The following ZNF398 variants were observed in gnomAD, a reference collection of about 807,000 sequenced individuals.
The protein encoded by ZNF398 is zinc finger protein 398, also known as zinc finger DNA binding protein ZER6.
Under a neutral mutation model 41.9 loss-of-function variants are expected in ZNF398, and 18 were observed. The ratio of observed to expected loss-of-function variants is 0.43; its 90% CI spans 0.30 to 0.64. The LOEUF is 0.64. ZNF398 is among the 30% of genes least tolerant of loss of function. The pLI, the probability that ZNF398 is intolerant of heterozygous loss-of-function variation, is 0.14. For missense variants in ZNF398, 669 were observed against 822.8 expected, an observed-to-expected ratio of 0.81 and a Z score of 2.29; for synonymous variants, 260 against 308.8, an observed-to-expected ratio of 0.84 and a Z score of 1.66.
At position 149,166,150 on chromosome 7, in the gene ZNF398, A is replaced by C; in HGVS notation, c.421-8A>C. 6.2e-7 allele frequency: 1 copy of C among 1,613,058 alleles called. No individual in the cohort carries two copies. Reference sequence around the variant, plus strand: ...GGAAGGGACTAACCCATGTGATTGTAATTTTAGGTGCCTGTGGCATTTGAT... The same window carrying C: ...GGAAGGGACTAACCCATGTGATTGTCATTTTAGGTGCCTGTGGCATTTGAT... On this transcript the variant is annotated splice_polypyrimidine_tract_variant and splice_region_variant and intron_variant, in intron 2 of 5. Coordinates refer to ENST00000475153, the MANE Select transcript of ZNF398 (RefSeq NM_170686.3).
chr7:149,153,747 A>G (rs1195692872), intron 1 of ZNF398, among the ~76,000 whole-genome samples, 198 bp from the exon 2 acceptor site: 2 of 152,190 alleles, frequency 1.3e-5, no homozygotes, highest in African/African-American at 4.8e-5. Flanking sequence ...TACCCAATCT[A>G]TCCCAGAACC....
At chr7:149,128,797 T>TA (rs1826538689) in intron 1 of ZNF398, 4 of 26,892 alleles carry the variant, frequency 1.5e-4, no homozygotes, top group Admixed American at 3.9e-4. Context: ...TATATATATA[T>TA]TGTTTGTTTG....
chr7:149,165,699 G>A (rs1205772048), intron 2 of ZNF398, among the ~76,000 whole-genome samples: 1 of 152,100 alleles, frequency 6.6e-6, no homozygotes, highest in East Asian at 1.9e-4. Flanking sequence ...TCATGTGCAC[G>A]ATGAACAGCA....
intron 1 of ZNF398, among the ~76,000 whole-genome samples, chr7:149,152,883 A>G (rs1794883134): frequency 1.4e-5 from 2 of 142,528 alleles, no homozygotes; most frequent in Admixed American, 7.1e-5. Flanking sequence ...TTTTTGAGAC[A>G]CAGTCTCCCT....
At chr7:149,132,489 C>T (rs947143604) in intron 2 of ZNF398, among the ~76,000 whole-genome samples, 7 of 152,050 alleles carry the variant, frequency 4.6e-5, no homozygotes, top group East Asian at 3.9e-4. Context: ...CCACCCCGCC[C>T]GGCCTAGAGA....
chr7:149,165,106 GAAAA>G (rs34732025), intron 2 of ZNF398, among the ~76,000 whole-genome samples: 11,110 of 149,986 alleles, frequency 0.074, 396 homozygotes, highest in Middle Eastern at 0.092. Flanking sequence ...AAAAAAAAAA[GAAAA>G]GAAAGAAAGA....
intron 1 of ZNF398, among the ~76,000 whole-genome samples, chr7:149,151,668 T>C (rs1162702133): frequency 6.6e-6 from 1 of 151,902 alleles, no homozygotes; most frequent in East Asian, 1.9e-4. Context: ...TCGGTGACCC[T>C]GTCTCTAAAA....
chr7:149,133,695 A>G (rs1363520014), intron 2 of ZNF398, among the ~76,000 whole-genome samples: 1 of 77,836 alleles, frequency 1.3e-5, no homozygotes, highest in Non-Finnish European at 2.5e-5. Context: ...ATATGTGTGT[A>G]TATATATATA....
chr7:149,159,883 G>A (rs757215976), intron 2 of ZNF398, among the ~76,000 whole-genome samples: 53 of 151,944 alleles, frequency 3.5e-4, no homozygotes, highest in Non-Finnish European at 7.5e-4. Context: ...GCACCACCAT[G>A]CCTGGCTAAT....
chr7:149,173,053 G>C (rs1795380866), intron 4 of ZNF398, among the ~76,000 whole-genome samples: 1 of 151,150 alleles, frequency 6.6e-6, no homozygotes, highest in Non-Finnish European at 1.5e-5. Flanking sequence ...ACTAATCCGG[G>C]TGGTGGTTGC....
chr7:149,149,422 G>A (rs1414495157), intron 1 of ZNF398, among the ~76,000 whole-genome samples: 2 of 151,914 alleles, frequency 1.3e-5, no homozygotes, highest in Non-Finnish European at 2.9e-5. Context: ...TAGTAGAGAG[G>A]GGGGTTTCAC....
rs1420323152 is a variant in ZNF398 at position 149,179,088 on chromosome 7, A to G, written c.1216A>G (p.Thr406Ala). ...CCCCACCTGCCCACACTGTGCCAGG[A>G]CTTTTACTCACCCATCAAGACTTAC... ...TPPTCPHCARTFTHPSRLTYH... is the reference protein window; with the variant it reads ...TPPTCPHCARAFTHPSRLTYH... The change falls in exon 6 of 6, where the codon ACT becomes GCT. Residue 406 changes from threonine to alanine, a missense_variant. Thr to Ala is a moderately conservative substitution (Grantham distance 58). Transcript: ENST00000475153. The surrounding 1 kb of genome is among the most constrained non-coding windows in gnomAD (Gnocchi z 6.1). The G allele has an allele frequency of 1.9e-6, 3 of 1,613,846 alleles. No individual in the cohort carries two copies. Among genetic ancestry groups the G allele is most frequent in the Non-Finnish European group, 2.5e-6 (3 of 1,180,000 alleles).
intron 1 of ZNF398, among the ~76,000 whole-genome samples, chr7:149,149,119 G>A (rs1374744522): frequency 1.3e-5 from 2 of 151,014 alleles, no homozygotes; most frequent in African/African-American, 4.9e-5. Context: ...TCCACACCGC[G>A]TCTCTAAAAT....
chr7:149,172,552 A>G (rs973895898), intron 4 of ZNF398, among the ~76,000 whole-genome samples: 3 of 152,170 alleles, frequency 2.0e-5, no homozygotes, highest in Non-Finnish European at 4.4e-5. Context: ...TTTATGTGAA[A>G]AGGTGAAATT....
rs1795593299 is a variant in ZNF398, at chr7:149,181,642, A to G, written c.*1841A>G. ...GTTGCTCTGTAGGATAATCACACTT[A>G]GAAAACATCTGCTCCATGACATTCA... On this transcript the variant is annotated 3_prime_UTR_variant, in exon 6 of 6. Coordinates refer to ENST00000475153, the MANE Select transcript of ZNF398 (RefSeq NM_170686.3). 6.6e-6 allele frequency: 1 copy of G among 152,212 alleles called. No homozygotes were observed. The highest frequency in any genetic ancestry group is 1.5e-5 in the Non-Finnish European group (1 of 68,036). The allele number at this position is 152,212 out of a possible 1,614,324, so 9.4% of individuals were successfully genotyped here.
At chr7:149,152,385 G>A (rs1354089810) in intron 1 of ZNF398, among the ~76,000 whole-genome samples, 3 of 149,720 alleles carry the variant, frequency 2.0e-5, no homozygotes, top group African/African-American at 4.9e-5. Context: ...CTCAGCCTCC[G>A]AAGTAGCTGA....
At chr7:149,168,339 A>T (rs1795266243) in intron 4 of ZNF398, among the ~76,000 whole-genome samples, 1 of 152,058 alleles carries the variant, frequency 6.6e-6, no homozygotes. Flanking sequence ...TGGCCTACCA[A>T]AGTGCTGGGA....
chr7:149,126,657 T>TG (rs1826484572), intron 1 of ZNF398: 1 of 226,606 alleles, frequency 4.4e-6, no homozygotes, highest in South Asian at 5.9e-5. Flanking sequence ...AGCGAGAGGG[T>TG]GAGAGTCCGG....
intron 2 of ZNF398, among the ~76,000 whole-genome samples, chr7:149,158,914 A>G (rs1795040693): frequency 6.6e-6 from 1 of 152,086 alleles, no homozygotes; most frequent in Non-Finnish European, 1.5e-5. Flanking sequence ...TATCTGGAAT[A>G]AGTGGTTAAC....
Sources: gnomAD v4.1 joint callset for allele counts (sites outside exome capture counted in the v4.1 genomes callset) on GRCh38, gnomAD v4.1.1 for gene constraint, Gnocchi (gnomAD v3.1) non-coding constraint, MANE v1.5 for transcripts, NCBI Gene and HGNC (gene_info 2026-07-23, HGNC 2026-07-21) for gene names.